MMP28: variants seen among roughly 807,000 people sequenced by gnomAD.
MMP28 encodes the protein matrix metallopeptidase 28.
Under a neutral mutation model 60.5 loss-of-function variants are expected in MMP28, and 55 were observed. The ratio of observed to expected loss-of-function variants is 0.91; its 90% CI spans 0.73 to 1.14. MMP28 has a LOEUF of 1.14. MMP28 is among the 50% of genes most tolerant of loss of function. The probability of loss-of-function intolerance (pLI) is 0.00; values close to 1 mark genes in which losing one functional copy is unlikely to be tolerated. For missense variants in MMP28, 686 were observed against 738.3 expected, an observed-to-expected ratio of 0.93 and a Z score of 0.82; for synonymous variants, 318 against 312.5, an observed-to-expected ratio of 1.02 and a Z score of -0.18.
intron 1 of MMP28, among the ~76,000 whole-genome samples, chr17:35,783,121 C>T (rs1005921012): frequency 3.3e-5 from 5 of 152,248 alleles, no homozygotes; most frequent in Admixed American, 3.3e-4. Flanking sequence ...CCACCACATC[C>T]AGCCAGCTGG....
chr17:35,771,739 ATATATATATATATAT>A (rs2086158897), intron 4 of MMP28, among the ~76,000 whole-genome samples: 9 of 73,556 alleles, frequency 1.2e-4, no homozygotes, highest in East Asian at 5.6e-4. Flanking sequence ...ATATATATAT[ATATATATATATATAT>A]AAAATTGTGT....
downstream of MMP28, chr17:35,764,801 T>C (rs1425274021): frequency 4.8e-6 from 3 of 628,174 alleles, no homozygotes; most frequent in African/African-American, 5.9e-5. Flanking sequence ...TTCCCATCTG[T>C]CACCTAGCGC....
intron 1 of MMP28, among the ~76,000 whole-genome samples, chr17:35,784,685 C>T (rs1173237383): frequency 1.3e-5 from 2 of 152,108 alleles, no homozygotes; most frequent in Non-Finnish European, 2.9e-5. Flanking sequence ...AGGTGGAGCT[C>T]CAGTTCTTAC....
At chr17:35,764,011 G>T, downstream of MMP28, 1 of 1,540,672 alleles carries the variant, frequency 6.5e-7, no homozygotes, top group Admixed American at 2.0e-5. Context: ...CCGCAGGTGT[G>T]AAGACCCCCT....
At chr17:35,765,512 A>G (rs75700433), downstream of MMP28, among the ~76,000 whole-genome samples, 1 of 152,324 alleles carries the variant, frequency 6.6e-6, no homozygotes, top group Non-Finnish European at 1.5e-5. Flanking sequence ...AGCTTTGGGA[A>G]TGCCTCGTGT....
intron 1 of MMP28, among the ~76,000 whole-genome samples, chr17:35,788,374 G>A (rs1464293290): frequency 6.6e-6 from 1 of 152,172 alleles, no homozygotes; most frequent in Non-Finnish European, 1.5e-5. Flanking sequence ...ATAATGCCTT[G>A]ATCAAGGGTG....
downstream of MMP28, chr17:35,763,943 A>C (rs587677511): frequency 1.1e-4 from 132 of 1,151,026 alleles, no homozygotes; most frequent in Middle Eastern, 1.4e-3. Context: ...TAAATACATG[A>C]AAAATTATTC....
At chr17:35,760,074 A>G (rs2143060692) in intron 2 of MMP28, among the ~76,000 whole-genome samples, 1 of 152,146 alleles carries the variant, frequency 6.6e-6, no homozygotes, top group East Asian at 1.9e-4. Context: ...CCTCCACCAA[A>G]CTTAGATGCC....
intron 1 of MMP28, among the ~76,000 whole-genome samples, chr17:35,790,775 G>T (rs1329784820): frequency 6.6e-6 from 1 of 152,040 alleles, no homozygotes; most frequent in African/African-American, 2.4e-5. Context: ...ATCATTTGAG[G>T]TCAGGAGTTC....
chr17:35,759,572 G>A (rs1050178339), intron 2 of MMP28, among the ~76,000 whole-genome samples: 4 of 152,090 alleles, frequency 2.6e-5, no homozygotes, highest in East Asian at 3.9e-4. Context: ...GTGGTGACAC[G>A]CGCCTGTAGT....
At chr17:35,764,312 G>A, downstream of MMP28, 2 of 1,488,840 alleles carry the variant, frequency 1.3e-6, no homozygotes, top group Non-Finnish European at 8.9e-7. Context: ...CGGCCTAACA[G>A]CTCCCACCGA....
chr17:35,774,667 CCT>C (rs1010736908), intron 3 of MMP28, among the ~76,000 whole-genome samples: 3 of 152,168 alleles, frequency 2.0e-5, no homozygotes, highest in African/African-American at 7.2e-5. Context: ...TTCTCCCACC[CCT>C]GAGCCAAGCT....
At chr17:35,777,983 G>A (rs1555608023) in intron 3 of MMP28, among the ~76,000 whole-genome samples, 1 of 152,194 alleles carries the variant, frequency 6.6e-6, no homozygotes, top group Non-Finnish European at 1.5e-5. Context: ...AGCTGAGATT[G>A]CGCCACTGAC....
Position 35,759,812 on chromosome 17 carries a change from T to C in MMP28, c.266-3393A>G, listed in dbSNP as rs2085785762. 2.0e-5 allele frequency among the ~76,000 whole-genome samples: 3 copies of C among 150,510 alleles called. No individual in the cohort carries two copies. In the South Asian group the frequency reaches 6.4e-4, roughly 32 times the overall value. ...CACTGGCACTCATTTGTGTCACTCA[T>C]AGGACACCGAAGCAAGGGAAGCTGA... On this transcript the variant is annotated intron_variant, in intron 2 of 2. Coordinates refer to the MMP28 transcript ENST00000615317.
At chr17:35,782,051 CTTTTTTTTTTT>C (rs1399946214) in intron 1 of MMP28, among the ~76,000 whole-genome samples, 1 of 130,870 alleles carries the variant, frequency 7.6e-6, no homozygotes, top group Non-Finnish European at 1.6e-5. Context: ...GTATTTCTCT[CTTTTTTTTTTT>C]TTTTTTTGAG....
At chr17:35,773,101 G>A in intron 4 of MMP28, 79 bp downstream of exon 4, 4 of 1,328,440 alleles carry the variant, frequency 3.0e-6, no homozygotes, top group Non-Finnish European at 3.1e-6. Flanking sequence ...GAGGGTGAAT[G>A]CTTCATTGCC....
rs2086160864 is a variant in MMP28 at position 35,771,749 on chromosome 17, AT to A, written c.604+1430del. 1.3e-4 allele frequency among the ~76,000 whole-genome samples: 12 copies of A among 89,528 alleles called. 1 individual carries two copies. Among genetic ancestry groups the A allele is most frequent in the Non-Finnish European group, 2.1e-4 (10 of 46,544 alleles). 58.7% of individuals were successfully genotyped at this position (89,528 alleles called of 152,430 possible). A position where few individuals can be genotyped will look rare whatever the true frequency, so the allele number is the denominator to read the frequency against. Reference sequence around the variant, plus strand: ...TATATATATATATATATATATATATATATATAAAATTGTGTTCTTGCCCTCC... The same window carrying A: ...TATATATATATATATATATATATATAATATAAAATTGTGTTCTTGCCCTCC... On this transcript the variant is annotated intron_variant, in intron 4 of 7. Coordinates refer to ENST00000605424, the MANE Select transcript of MMP28 (RefSeq NM_024302.5).
At chr17:35,760,761 T>C in intron 2 of MMP28, 1 of 694,754 alleles carries the variant, frequency 1.4e-6, no homozygotes, top group Non-Finnish European at 2.5e-6. Flanking sequence ...TTGTTAGTGC[T>C]TTGGGAGGCT....
downstream of MMP28, among the ~76,000 whole-genome samples, chr17:35,763,786 A>T (rs2085872442): frequency 6.6e-6 from 1 of 151,920 alleles, no homozygotes; most frequent in Non-Finnish European, 1.5e-5. Flanking sequence ...AGTCCCAGCT[A>T]CTTGGGAGGC....
Sources: allele counts gnomAD v4.1 joint callset (sites outside exome capture counted in the v4.1 genomes callset), GRCh38; gene constraint gnomAD v4.1.1; transcripts MANE v1.5; gene names NCBI Gene and HGNC (gene_info 2026-07-23, HGNC 2026-07-21).